The following ZNF763 variants were observed in gnomAD, a reference collection of about 807,000 sequenced individuals.
The protein encoded by ZNF763 is zinc finger protein 763, also known as DNA-binding protein.
ZNF763 carries 33 observed loss-of-function variants against 38.0 expected under a neutral mutation model. The observed-to-expected ratio is 0.87, with a 90% CI of 0.66 to 1.16. The LOEUF (loss-of-function observed/expected upper bound fraction) is 1.16. Among genes scored for constraint, ZNF763 ranks in the 50% most tolerant of loss-of-function variants. The probability of loss-of-function intolerance (pLI) is 0.00; values close to 1 mark genes in which losing one functional copy is unlikely to be tolerated. For synonymous variants in ZNF763, 155 were observed against 160.1 expected (o/e 0.97, Z 0.24); for missense variants, 423 against 469.1 (o/e 0.90, Z 0.91).
Position 11,974,238 on chromosome 19 carries a change from C to G in ZNF763, c.4-2800C>G, listed in dbSNP as rs957909400. Among the ~76,000 whole-genome samples the G allele has an allele frequency of 2.1e-5, 3 of 145,392 alleles. No individual in the cohort carries two copies. The South Asian group carries it at 6.5e-4, about 32-fold the overall frequency. On this transcript the variant is annotated intron_variant, in intron 1 of 3. Transcript: ENST00000358987. Reference sequence around the variant, plus strand: ...TTGTTTTGTGTCTAGTTCTTGTTACCTAGGCTGGAGTGCAATGGCATGATC... The same window carrying G: ...TTGTTTTGTGTCTAGTTCTTGTTACGTAGGCTGGAGTGCAATGGCATGATC...
chr19:11,977,942 A>T (rs745744579), intron 3 of ZNF763, among the ~76,000 whole-genome samples, 174 bp from the exon 4 acceptor site: 18 of 152,118 alleles, frequency 1.2e-4, no homozygotes, highest in Non-Finnish European at 2.5e-4. Context: ...ATTTTTTTAA[A>T]CAATAGGTAT....
intron 3 of ZNF763, 90 bp from the exon 4 acceptor site, chr19:11,978,026 T>C: frequency 6.7e-7 from 1 of 1,499,126 alleles, no homozygotes; most frequent in South Asian, 1.3e-5. Flanking sequence ...GCCTACACCT[T>C]GATGGACCAT....
Position 11,978,888 on chromosome 19 carries a change from C to A in ZNF763, c.964C>A (p.Arg322Ser), listed in dbSNP as rs370174613. The change falls in exon 4 of 4, where the codon CGT becomes AGT. Residue 322 changes from arginine (R) to serine (S), a missense_variant. Transcript: ENST00000358987. ...ATGTAGCAAATGTAATAAAGCATTC[C>A]GTAGTTACAGATCCTATCTTAGACA... is the stretch of plus-strand genomic sequence containing the variant. ...CECSKCNKAFRSYRSYLRHKR... is the reference protein window; with the variant it reads ...CECSKCNKAFSSYRSYLRHKR... The A allele has an allele frequency of 2.5e-6, 4 of 1,613,378 alleles. No individual in the cohort carries two copies. The highest frequency in any genetic ancestry group is 3.4e-6 in the Non-Finnish European group (4 of 1,179,818).
Position 11,978,723 on chromosome 19 carries a change from A to G in ZNF763, c.799A>G (p.Ser267Gly), listed in dbSNP as rs147184532. ...ECQQCGKAFH[S>G]SSSFQAHKRT... Reference sequence around the variant, plus strand: ...TCAGCAATGTGGGAAAGCATTCCATAGTTCCAGTTCTTTTCAAGCACATAA... The same window carrying G: ...TCAGCAATGTGGGAAAGCATTCCATGGTTCCAGTTCTTTTCAAGCACATAA... The change falls in exon 4 of 4, where the codon AGT becomes GGT. Residue 267 changes from serine to glycine, a missense_variant. By Grantham distance (56) the Ser-to-Gly change is moderately conservative (BLOSUM62 0). Coordinates refer to ENST00000358987, the MANE Select transcript of ZNF763 (RefSeq NM_001367172.2). 746 of 1,613,838 alleles carry G rather than the reference A, an allele frequency of 4.6e-4. 10 individuals are homozygous for G. In the East Asian group the frequency reaches 0.014, roughly 31 times the overall value.
chr19:11,977,983 A>C (rs775223637), intron 3 of ZNF763, 133 bp from the exon 4 acceptor site: 48 of 1,120,940 alleles, frequency 4.3e-5, no homozygotes, highest in Non-Finnish European at 5.8e-5. Context: ...CATGTTGTCC[A>C]TTTACCTTCA....
At chr19:11,973,499 G>GC (rs1409493680) in intron 1 of ZNF763, among the ~76,000 whole-genome samples, 1 of 152,094 alleles carries the variant, frequency 6.6e-6, no homozygotes, top group Non-Finnish European at 1.5e-5. Flanking sequence ...CCTCTTGTGA[G>GC]CCACCACGTT....
Position 11,978,952 on chromosome 19 carries a change from AG to A in ZNF763, c.1030del (p.Glu344AsnfsTer54). 6.2e-7 allele frequency: 1 copy of A among 1,614,228 alleles called. No individual in the cohort carries two copies. Among genetic ancestry groups the A allele is most frequent in the South Asian group, 1.1e-5 (1 of 91,090 alleles). On this transcript the variant is annotated frameshift_variant, in exon 4 of 4. Transcript: ENST00000358987. LOFTEE classifies it high-confidence loss of function. ...SHTGEKPYQC[K>X]ECRKAFTYPS... ...ACGGGAGAGAAGCCTTATCAATGTA[AG>A]GAATGTAGAAAAGCATTCACGTATC...
intron 1 of ZNF763, among the ~76,000 whole-genome samples, chr19:11,967,309 T>C (rs1174865064): frequency 6.6e-6 from 1 of 152,028 alleles, no homozygotes; most frequent in Non-Finnish European, 1.5e-5. Flanking sequence ...TGCACTCCAG[T>C]GTGGGTAACA....
At chr19:11,971,831 A>G (rs577532188) in intron 1 of ZNF763, among the ~76,000 whole-genome samples, 217 of 152,298 alleles carry the variant, frequency 1.4e-3, no homozygotes, top group African/African-American at 5.1e-3. Flanking sequence ...TGGGAGGCCA[A>G]TGTGGATGGA....
chr19:11,975,940 C>G (rs1304379223), intron 1 of ZNF763, among the ~76,000 whole-genome samples: 1 of 151,462 alleles, frequency 6.6e-6, no homozygotes, highest in Non-Finnish European at 1.5e-5. Flanking sequence ...CCCATCTGCC[C>G]TTGTTATCAG....
At chr19:11,970,347 A>G (rs1415674183) in intron 1 of ZNF763, among the ~76,000 whole-genome samples, 2 of 152,222 alleles carry the variant, frequency 1.3e-5, no homozygotes. Flanking sequence ...ATGTGAGTTA[A>G]CCACATGGAG....
chr19:11,967,028 TAG>T (rs1304735042), intron 1 of ZNF763, among the ~76,000 whole-genome samples: 3 of 152,152 alleles, frequency 2.0e-5, no homozygotes, highest in Admixed American at 2.0e-4. Context: ...GTACAGTGTG[TAG>T]AGAGTTTATT....
intron 1 of ZNF763, among the ~76,000 whole-genome samples, chr19:11,967,708 C>T (rs1973265741): frequency 6.6e-6 from 1 of 152,068 alleles, no homozygotes; most frequent in Non-Finnish European, 1.5e-5. Flanking sequence ...CGGCCCCTGT[C>T]TCTATTTTTA....
chr19:11,976,771 C>G (rs1973500857), intron 1 of ZNF763: 6 of 797,386 alleles, frequency 7.5e-6, no homozygotes, highest in Non-Finnish European at 1.0e-5. Flanking sequence ...GAGGCTGAGG[C>G]AGGAGAATCG....
At chr19:11,970,098 ATTC>A (rs1246095028) in intron 1 of ZNF763, among the ~76,000 whole-genome samples, 1 of 152,170 alleles carries the variant, frequency 6.6e-6, no homozygotes, top group Non-Finnish European at 1.5e-5. Flanking sequence ...TACATAACCA[ATTC>A]TTGGGGTGCT....
At chr19:11,976,813 C>G (rs1456675684) in intron 1 of ZNF763, 21 of 1,309,056 alleles carry the variant, frequency 1.6e-5, no homozygotes, top group Non-Finnish European at 2.0e-5. Flanking sequence ...AAGATCGCAT[C>G]ATTATACTCC....
At position 11,978,430 on chromosome 19, in the gene ZNF763, A is replaced by G; in HGVS notation, c.506A>G (p.Glu169Gly). 1.2e-6 allele frequency: 2 copies of G among 1,614,214 alleles called. No individual in the cohort carries two copies. Among genetic ancestry groups the G allele is most frequent in the Non-Finnish European group, 1.7e-6 (2 of 1,180,024 alleles). The change falls in exon 4 of 4, where the codon GAG (glutamate) becomes GGG (glycine). Residue 169 changes from glutamate to glycine, a missense_variant. Glu to Gly is a moderately conservative substitution (Grantham distance 98). Transcript: ENST00000358987. ...FRTQERNHTG[E>G]KPYACKECGK... ...ACACAAGAAAGGAATCACACCGGAG[A>G]GAAACCCTATGCTTGTAAAGAATGT...
intron 1 of ZNF763, among the ~76,000 whole-genome samples, chr19:11,972,870 C>T (rs911734894): frequency 6.6e-6 from 1 of 151,258 alleles, no homozygotes; most frequent in East Asian, 1.9e-4. Context: ...AGCAAGAGGA[C>T]AGCTTGAACT....
At position 11,980,431 on chromosome 19, in the gene ZNF763, C is replaced by A. The variant is rs1973595966; in HGVS notation, c.*1322C>A. 1 of 156,610 alleles carries A rather than the reference C, an allele frequency of 6.4e-6. No individual in the cohort carries two copies. Among genetic ancestry groups the A allele is most frequent in the African/African-American group, 2.4e-5 (1 of 40,976 alleles). The allele number at this position is 156,610 out of a possible 1,614,324, so 9.7% of individuals were successfully genotyped here. Reference sequence around the variant, plus strand: ...GCCTTGTGGTGAGGGGATGTCAGCTCTAGACTCCTGGAGCTGTTTTTGCCT... The same window carrying A: ...GCCTTGTGGTGAGGGGATGTCAGCTATAGACTCCTGGAGCTGTTTTTGCCT... On this transcript the variant is annotated 3_prime_UTR_variant, in exon 4 of 4. Coordinates refer to ENST00000358987, the MANE Select transcript of ZNF763 (RefSeq NM_001367172.2).
Sources: gnomAD v4.1 joint callset for allele counts (sites outside exome capture counted in the v4.1 genomes callset) on GRCh38, gnomAD v4.1.1 for gene constraint, MANE v1.5 for transcripts, NCBI Gene and HGNC (gene_info 2026-07-23, HGNC 2026-07-21) for gene names.